The following PLCG2 variants were observed in gnomAD, a reference collection of about 807,000 sequenced individuals.
PLCG2 encodes phospholipase C gamma 2.
PLCG2 carries 69 observed loss-of-function variants against 175.6 expected under a neutral mutation model. The ratio of observed to expected loss-of-function variants is 0.39; its 90% CI spans 0.32 to 0.48. The LOEUF is 0.48. Ranked by LOEUF, PLCG2 falls within the 20% of genes least tolerant of loss-of-function variation. PLCG2 has a pLI of 0.91. For missense variants in PLCG2, 1,798 were observed against 1,650.9 expected, an observed-to-expected ratio of 1.09 and a Z score of -1.54; for synonymous variants, 827 against 624.0, an observed-to-expected ratio of 1.33 and a Z score of -4.85.
In PLCG2 at chr16:81,900,796, G is replaced by A. The variant is rs757689620; in HGVS notation, c.1362+16G>A. 8 of 1,586,778 alleles carry A rather than the reference G, an allele frequency of 5.0e-6. No individual in the cohort carries two copies. Among genetic ancestry groups the A allele is most frequent in the Non-Finnish European group, 6.9e-6 (8 of 1,158,462 alleles). On this transcript the variant is annotated intron_variant, in intron 14 of 32. Coordinates refer to ENST00000564138, the MANE Select transcript of PLCG2 (RefSeq NM_002661.5). ...CATCATCAAGGTAGGCACCCCGGGT[G>A]CTGCTGTTGGCTGTCCAGGGAGCCC...
In PLCG2 at chr16:81,854,573, C is replaced by G; in HGVS notation, c.323C>G (p.Thr108Arg). The G allele has an allele frequency of 6.2e-7, 1 of 1,613,908 alleles. No individual in the cohort carries two copies. Among genetic ancestry groups the G allele is most frequent in the Non-Finnish European group, 8.5e-7 (1 of 1,179,804 alleles). The change falls in exon 3 of 33, where the codon ACG (threonine) becomes AGG (arginine). Residue 108 changes from threonine to arginine, a missense_variant. Coordinates refer to ENST00000564138, the MANE Select transcript of PLCG2 (RefSeq NM_002661.5). ...TATGGCACTCAGTTCGTCCTCAGCA[C>G]GCTCAGCTTGGCAGGTAGGTGCATG... ...ILYGTQFVLS[T>R]LSLAADSKED...
intron 5 of PLCG2, among the ~76,000 whole-genome samples, chr16:81,867,492 G>A (rs1309451440): frequency 6.6e-6 from 1 of 152,312 alleles, no homozygotes; most frequent in African/African-American, 2.4e-5. Flanking sequence ...CGGTGCCTCA[G>A]TTTCCTCACC....
At chr16:81,806,937 A>G (rs1904283953) in intron 2 of PLCG2, among the ~76,000 whole-genome samples, 1 of 152,100 alleles carries the variant, frequency 6.6e-6, no homozygotes, top group South Asian at 2.1e-4. Flanking sequence ...GGAGGCCTCC[A>G]TAGCACTCAA....
intron 10 of PLCG2, among the ~76,000 whole-genome samples, chr16:81,891,132 C>T (rs1362603313): frequency 6.6e-6 from 1 of 152,078 alleles, no homozygotes; most frequent in African/African-American, 2.4e-5. Context: ...CACTGCACTC[C>T]AGCCTGGGCA....
At chr16:81,848,711 G>A (rs967210435) in intron 2 of PLCG2, among the ~76,000 whole-genome samples, 1 of 152,088 alleles carries the variant, frequency 6.6e-6, no homozygotes, top group South Asian at 2.1e-4. Context: ...TACTTATTGG[G>A]CCCCGCTGTG....
At chr16:81,925,198 A>T (rs1479255820) in intron 22 of PLCG2, among the ~76,000 whole-genome samples, 1 of 152,208 alleles carries the variant, frequency 6.6e-6, no homozygotes, top group African/African-American at 2.4e-5. Context: ...ACTGTGGGCA[A>T]ACCGCCCAGC....
intron 1 of PLCG2, among the ~76,000 whole-genome samples, chr16:81,780,814 G>T (rs979206531): frequency 2.0e-5 from 3 of 152,154 alleles, no homozygotes; most frequent in African/African-American, 7.2e-5. Flanking sequence ...ATCACTTGAG[G>T]TCAAGCGTTC....
chr16:81,791,288 A>G (rs927024498), intron 2 of PLCG2, among the ~76,000 whole-genome samples: 18 of 152,092 alleles, frequency 1.2e-4, no homozygotes, highest in Non-Finnish European at 1.8e-4. Flanking sequence ...GGGAGGGCTC[A>G]TTGTGGAGGA....
At chr16:81,874,552 G>A (rs1328415724) in intron 7 of PLCG2, among the ~76,000 whole-genome samples, 1 of 152,204 alleles carries the variant, frequency 6.6e-6, no homozygotes, top group Non-Finnish European at 1.5e-5. Context: ...CTGGCTGGAA[G>A]CACAGGGCAG....
chr16:81,782,210 C>A (rs1017316681), intron 1 of PLCG2, among the ~76,000 whole-genome samples: 2 of 145,372 alleles, frequency 1.4e-5, no homozygotes, highest in Non-Finnish European at 3.0e-5. Flanking sequence ...TTATGAGATA[C>A]AAGAACATGA....
intron 2 of PLCG2, among the ~76,000 whole-genome samples, chr16:81,805,767 GTTTTTTTTTTTTTTTGTTTT>G (rs943191397): frequency 2.5e-5 from 1 of 39,520 alleles, no homozygotes; most frequent in African/African-American, 1.2e-4. Flanking sequence ...GTTTTGTTTT[GTTTTTTTTTTTTTTTGTTTT>G]TTTTTTTTTT....
At chr16:81,784,429 T>C (rs1312078274) in intron 1 of PLCG2, among the ~76,000 whole-genome samples, 1 of 152,142 alleles carries the variant, frequency 6.6e-6, no homozygotes, top group Non-Finnish European at 1.5e-5. Flanking sequence ...GAGCCACAGA[T>C]TTAGAGCAGC....
In PLCG2 at chr16:81,958,115, C is replaced by T. The variant is rs755755064; in HGVS notation, c.*117C>T. 6.6e-6 allele frequency: 5 copies of T among 752,520 alleles called. No individual in the cohort carries two copies. The highest frequency in any genetic ancestry group is 3.4e-5 in the African/African-American group (2 of 58,138). The allele number at this position is 752,520 out of a possible 1,614,324, so 46.6% of individuals were successfully genotyped here. On this transcript the variant is annotated 3_prime_UTR_variant, in exon 33 of 33. Transcript: ENST00000564138. Reference sequence around the variant, plus strand: ...TAATCTGTGACATCTTTTCTTCAAGCCTGCCATCAAGGACATTTCTTAAGA... The same window carrying T: ...TAATCTGTGACATCTTTTCTTCAAGTCTGCCATCAAGGACATTTCTTAAGA...
intron 28 of PLCG2, 197 bp from the exon 29 acceptor site, chr16:81,938,604 T>G (rs1910812552): frequency 1.7e-6 from 1 of 578,410 alleles, no homozygotes; most frequent in African/African-American, 1.9e-5. Context: ...CCCAGGCTGA[T>G]GCTGAGGAAC....
chr16:81,773,445 T>G (rs1478937001), intron 2 of PLCG2, among the ~76,000 whole-genome samples: 5 of 152,156 alleles, frequency 3.3e-5, no homozygotes, highest in Non-Finnish European at 5.9e-5. Flanking sequence ...GCTCAGAGAC[T>G]ATTACATTGT....
chr16:81,795,068 A>G (rs1911405888), intron 2 of PLCG2, among the ~76,000 whole-genome samples: 1 of 152,232 alleles, frequency 6.6e-6, no homozygotes, highest in Non-Finnish European at 1.5e-5. Flanking sequence ...TGATTTAGCA[A>G]ATACTCAAAG....
chr16:81,927,243 C>A, intron 23 of PLCG2, 65 bp downstream of exon 23: 2 of 1,092,500 alleles, frequency 1.8e-6, no homozygotes, highest in South Asian at 1.2e-5. Context: ...TTTCAGGGAG[C>A]TGTGCCATCT....
chr16:81,807,188 A>G (rs970212969), intron 2 of PLCG2, among the ~76,000 whole-genome samples: 1 of 148,744 alleles, frequency 6.7e-6, no homozygotes, highest in Non-Finnish European at 1.5e-5. Flanking sequence ...GTGATTTCAC[A>G]GGGTCAGCTC....
At chr16:81,742,966 G>A (rs1275290003) in intron 1 of PLCG2, among the ~76,000 whole-genome samples, 1 of 152,124 alleles carries the variant, frequency 6.6e-6, no homozygotes, top group Non-Finnish European at 1.5e-5. Context: ...TTTGGTTCTC[G>A]ATACCTGCTT....
Sources: gnomAD v4.1 joint callset for allele counts (sites outside exome capture counted in the v4.1 genomes callset) on GRCh38, gnomAD v4.1.1 for gene constraint, MANE v1.5 for transcripts, NCBI Gene and HGNC (gene_info 2026-07-23, HGNC 2026-07-21) for gene names.